TRPM3: variants seen among roughly 807,000 people sequenced by gnomAD.
The protein encoded by TRPM3 is long transient receptor potential channel 3.
Under a neutral mutation model 181.2 loss-of-function variants are expected in TRPM3, and 77 were observed. The ratio of observed to expected loss-of-function variants is 0.42; its 90% CI spans 0.35 to 0.51. The LOEUF (loss-of-function observed/expected upper bound fraction) is 0.51. Among genes scored for constraint, TRPM3 ranks in the 20% least tolerant of loss-of-function variants. The pLI is 0.01. For missense variants in TRPM3, 1,759 were observed against 2,196.7 expected (o/e 0.80, Z 3.98); for synonymous variants, 745 against 796.4 (o/e 0.94, Z 1.09).
At chr9:71,420,459 G>A (rs985066259) in intron 1 of TRPM3, among the ~76,000 whole-genome samples, 1 of 151,538 alleles carries the variant, frequency 6.6e-6, no homozygotes, top group Non-Finnish European at 1.5e-5. Flanking sequence ...ATTATTTTGA[G>A]CCGAAGGCAA....
intron 1 of TRPM3, among the ~76,000 whole-genome samples, chr9:71,147,368 T>C (rs1277185602): frequency 1.3e-5 from 2 of 151,312 alleles, no homozygotes; most frequent in African/African-American, 4.9e-5. Context: ...GAGTTCACCA[T>C]TTATTTACTG....
chr9:71,438,801 G>A (rs1263308833), intron 1 of TRPM3, among the ~76,000 whole-genome samples: 1 of 152,170 alleles, frequency 6.6e-6, no homozygotes, highest in African/African-American at 2.4e-5. Flanking sequence ...TATAGATGAA[G>A]CAAGATTGAT....
intron 1 of TRPM3, among the ~76,000 whole-genome samples, chr9:71,427,935 TA>T (rs1257606970): frequency 6.6e-6 from 1 of 152,106 alleles, no homozygotes; most frequent in East Asian, 1.9e-4. Context: ...AAATAAAATA[TA>T]AAATAAAATA....
At chr9:70,977,549 C>T (rs557836132) in intron 1 of TRPM3, among the ~76,000 whole-genome samples, 6 of 152,340 alleles carry the variant, frequency 3.9e-5, no homozygotes, top group South Asian at 4.1e-4. Context: ...TAATTCCTTT[C>T]GATTCTGACA....
Position 70,553,286 on chromosome 9 carries a change from C to T in TRPM3, c.3248G>A (p.Arg1083Gln), listed in dbSNP as rs201712298. 5.2e-5 allele frequency: 84 copies of T among 1,614,032 alleles called. No homozygotes were observed. The highest frequency in any genetic ancestry group is 1.0e-4 in the Admixed American group (6 of 60,006). ...IDPPCGQNET[R>Q]EDGKIIQLPP... ...CAGCTGGATTATTTTACCATCCTCT[C>T]GGGTCTCATTCTGTCCACAGGGAGC... Residue 1083 changes from arginine (R) to glutamine (Q), a missense_variant, in exon 23 of 26, where the codon CGA (arginine) becomes CAA (glutamine). Transcript: ENST00000677713.
chr9:71,091,274 G>A (rs1355638769), intron 1 of TRPM3, among the ~76,000 whole-genome samples: 1 of 152,006 alleles, frequency 6.6e-6, no homozygotes, highest in Non-Finnish European at 1.5e-5. Flanking sequence ...TCTTTGTGGT[G>A]GTTATCTATT....
At chr9:70,643,257 G>A (rs2058338151) in intron 9 of TRPM3, among the ~76,000 whole-genome samples, 1 of 152,142 alleles carries the variant, frequency 6.6e-6, no homozygotes, top group African/African-American at 2.4e-5. Flanking sequence ...GATTGCATTT[G>A]GAAAGGTAGC....
intron 9 of TRPM3, among the ~76,000 whole-genome samples, chr9:70,663,490 T>C (rs2061405923): frequency 6.6e-6 from 1 of 152,230 alleles, no homozygotes; most frequent in Admixed American, 6.5e-5. Context: ...TATAATAATT[T>C]ATCAGATCTT....
chr9:71,264,958 G>A (rs773979748), intron 1 of TRPM3, among the ~76,000 whole-genome samples: 1 of 152,108 alleles, frequency 6.6e-6, no homozygotes, highest in Non-Finnish European at 1.5e-5. Context: ...GCGTGGGTGT[G>A]TCATTTCTTA....
intron 1 of TRPM3, among the ~76,000 whole-genome samples, chr9:71,288,090 T>A (rs7854181): frequency 6.6e-6 from 1 of 151,786 alleles, no homozygotes; most frequent in Non-Finnish European, 1.5e-5. Flanking sequence ...TTTGTTGGCT[T>A]GATGGAAGTT....
chr9:70,681,522 C>G lies in TRPM3; in HGVS notation c.1329G>C (p.Leu443=), dbSNP rs1352110548. Residue 443 remains leucine (L), a synonymous_variant, in exon 9 of 26, where the codon CTG becomes CTC. Coordinates refer to ENST00000677713, the MANE Select transcript of TRPM3 (RefSeq NM_001366145.2). Reference sequence around the variant, plus strand: ...CTCTTTTACCTTTGAGTAAAGCTGTCAGGATAGCCAAATCAATGTCCTGGT... The same window carrying G: ...CTCTTTTACCTTTGAGTAAAGCTGTGAGGATAGCCAAATCAATGTCCTGGT... ...EGHQDIDLAI[L]TALLKGANAS... The G allele has an allele frequency of 1.2e-6, 2 of 1,613,780 alleles. No individual in the cohort carries two copies. The highest frequency in any genetic ancestry group is 2.2e-5 in the South Asian group (2 of 91,066).
Position 70,537,205 on chromosome 9 carries a change from T to C in TRPM3, c.3908A>G (p.Asp1303Gly). 6.3e-7 allele frequency: 1 copy of C among 1,595,326 alleles called. No individual in the cohort carries two copies. The highest frequency in any genetic ancestry group is 1.7e-5 in the Admixed American group (1 of 58,794). Residue 1303 changes from aspartate (D) to glycine (G), a missense_variant, in exon 26 of 26, where the codon GAC (aspartate) becomes GGC (glycine). Coordinates refer to ENST00000677713, the MANE Select transcript of TRPM3 (RefSeq NM_001366145.2). ...GCTCTGACGGACAATGTAGGCGGCG[T>C]CCGTGCAGTCTGACGAGGTCCTCGA... ...IRSRTSSDCT[D>G]AAYIVRQSSF... is the part of the protein sequence containing the mutation.
At position 71,050,355 on chromosome 9, in the gene TRPM3, A is replaced by C. The variant is rs770638196; in HGVS notation, c.177+70823T>G. Among the ~76,000 whole-genome samples the C allele has an allele frequency of 3.2e-4, 48 of 152,194 alleles. 1 individual carries two copies. The highest frequency in any genetic ancestry group is 4.0e-4 in the Non-Finnish European group (27 of 68,022). ...ATAGAGAATTTAACAAATAAATATTAAAAAGTACAATTTGTATCTTTAACT... is the reference window on the plus strand; with the variant it reads ...ATAGAGAATTTAACAAATAAATATTCAAAAGTACAATTTGTATCTTTAACT... On this transcript the variant is annotated intron_variant, in intron 1 of 25. Coordinates refer to ENST00000677713, the MANE Select transcript of TRPM3 (RefSeq NM_001366145.2).
chr9:71,295,789 C>G (rs905734600), intron 1 of TRPM3, among the ~76,000 whole-genome samples: 1 of 142,410 alleles, frequency 7.0e-6, no homozygotes, highest in African/African-American at 2.6e-5. Context: ...CAGTAAGCCA[C>G]GATCATGCCA....
intron 5 of TRPM3, among the ~76,000 whole-genome samples, chr9:70,832,271 A>G (rs2093985760): frequency 1.3e-5 from 2 of 151,554 alleles, no homozygotes; most frequent in South Asian, 4.2e-4. Context: ...GTGCACATGT[A>G]CCCTAAAACT....
chr9:70,985,469 A>G (rs904159123), intron 1 of TRPM3, among the ~76,000 whole-genome samples: 3 of 152,200 alleles, frequency 2.0e-5, no homozygotes, highest in African/African-American at 7.2e-5. Context: ...CTGGGTATGT[A>G]TATTTCCAAG....
At chr9:70,775,243 T>C (rs2081128198) in intron 7 of TRPM3, 1 of 152,202 alleles carries the variant, frequency 6.6e-6, no homozygotes. Flanking sequence ...CAGATAAATT[T>C]GTGGGTTTTA....
chr9:70,616,420 G>A (rs2062780717), intron 17 of TRPM3, among the ~76,000 whole-genome samples: 1 of 151,956 alleles, frequency 6.6e-6, no homozygotes, highest in Non-Finnish European at 1.5e-5. Flanking sequence ...TCTATTTAAG[G>A]CAAAAGTGGG....
intron 1 of TRPM3, among the ~76,000 whole-genome samples, chr9:71,134,790 C>T (rs901437296): frequency 2.0e-5 from 3 of 152,156 alleles, no homozygotes; most frequent in Non-Finnish European, 2.9e-5. Flanking sequence ...TTTCTAGAAT[C>T]TAAGCCACTA....
Sources: allele counts gnomAD v4.1 joint callset (sites outside exome capture counted in the v4.1 genomes callset), GRCh38; gene constraint gnomAD v4.1.1; transcripts MANE v1.5; gene names NCBI Gene and HGNC (gene_info 2026-07-23, HGNC 2026-07-21).